The following ZNF628 variants were observed in gnomAD, a reference collection of about 807,000 sequenced individuals.
ZNF628 encodes zinc finger protein 628.
In ZNF628, 3 loss-of-function variants were observed where a neutral mutation model predicts 2.5. The observed-to-expected ratio is 1.19, with a 90% CI of 0.54 to 3.07. The LOEUF (loss-of-function observed/expected upper bound fraction) is 3.07. Ranked by LOEUF, ZNF628 falls within the 30% of genes most tolerant of loss-of-function variation. The pLI is 0.03. For missense variants in ZNF628, 1,610 were observed against 1,517.1 expected, an observed-to-expected ratio of 1.06 and a Z score of -1.02; for synonymous variants, 861 against 717.1, an observed-to-expected ratio of 1.20 and a Z score of -3.21.
Position 55,481,905 on chromosome 19 carries a change from G to T in ZNF628, c.712G>T (p.Ala238Ser). The part of the protein sequence containing the change: ...AAPAPGTASA[A>S]PPPQSREPGK... ...CCCCGCCCCGGGTACCGCCTCCGCG[G>T]CCCCGCCCCCCCAGTCCCGGGAGCC... Residue 238 changes from alanine (A) to serine (S), a missense_variant, in exon 3 of 3, where the codon GCC becomes TCC. By Grantham distance (99) the Ala-to-Ser change is moderately conservative. Around this residue, in one of 5 missense-constraint regions of ZNF628, gnomAD observed 651 missense variants for 575.6 expected, o/e 1.13. Transcript: ENST00000598519. 1 of 1,484,562 alleles carries T rather than the reference G, an allele frequency of 6.7e-7. No individual in the cohort carries two copies. Among genetic ancestry groups the T allele is most frequent in the Non-Finnish European group, 8.9e-7 (1 of 1,121,724 alleles). The allele number at this position is 1,484,562 out of a possible 1,614,324, so 92.0% of individuals were successfully genotyped here. A position where few individuals can be genotyped will look rare whatever the true frequency, so the allele number is the denominator to read the frequency against.
intron 1 of ZNF628, among the ~76,000 whole-genome samples, chr19:55,478,628 T>C (rs1290216485): frequency 1.3e-5 from 2 of 152,156 alleles, no homozygotes; most frequent in African/African-American, 2.4e-5. Context: ...AGTTGCTGTA[T>C]TGGGAACAGA....
Position 55,483,768 on chromosome 19 carries a change from G to A in ZNF628, c.2575G>A (p.Ala859Thr). The A allele has an allele frequency of 6.2e-7, 1 of 1,613,556 alleles. No homozygotes were observed. Among genetic ancestry groups the A allele is most frequent in the Non-Finnish European group, 8.5e-7 (1 of 1,179,656 alleles). Residue 859 changes from alanine (A) to threonine (T), a missense_variant, in exon 3 of 3, where the codon GCA becomes ACA. Around this residue, in one of 5 missense-constraint regions of ZNF628, gnomAD observed 712 missense variants for 603.6 expected, o/e 1.18. Coordinates refer to ENST00000598519, the MANE Select transcript of ZNF628 (RefSeq NM_033113.3). ...QEVTTVQLQP[A>T]QEVTTVQLQP... ...AGTAACCACGGTCCAGCTCCAGCCAGCACAGGAGGTGACCACGGTCCAGCT... is the reference window on the plus strand; with the variant it reads ...AGTAACCACGGTCCAGCTCCAGCCAACACAGGAGGTGACCACGGTCCAGCT...
rs750269675 is a variant in ZNF628 at position 55,481,511 on chromosome 19, G to A, written c.318G>A (p.Leu106=). The change falls in exon 3 of 3, where the codon CTG becomes CTA. Residue 106 remains leucine (L), a synonymous_variant. Coordinates refer to ENST00000598519, the MANE Select transcript of ZNF628 (RefSeq NM_033113.3). ...DCPKAFKRSS[L]LQIHRSVHTG... is the part of the protein sequence containing the mutation. ...CCAAGGCCTTCAAGCGCTCCTCTCT[G>A]CTGCAGATCCACCGTAGCGTGCACA... 5 of 1,607,742 alleles carry A rather than the reference G, an allele frequency of 3.1e-6. No individual in the cohort carries two copies. The highest frequency in any genetic ancestry group is 4.2e-6 in the Non-Finnish European group (5 of 1,178,348).
rs779265539 is a variant in ZNF628 at position 55,482,987 on chromosome 19, C to G, written c.1794C>G (p.Leu598=). The G allele has an allele frequency of 1.9e-6, 3 of 1,611,832 alleles. No individual in the cohort carries two copies. Among genetic ancestry groups the G allele is most frequent in the South Asian group, 1.1e-5 (1 of 91,036 alleles). ...HTGERPFRCP[L]CPKTFTHSSN... Reference sequence around the variant, plus strand: ...GCGAGCGGCCCTTCCGCTGCCCGCTCTGCCCCAAGACCTTCACCCACTCCT... The same window carrying G: ...GCGAGCGGCCCTTCCGCTGCCCGCTGTGCCCCAAGACCTTCACCCACTCCT... Residue 598 remains leucine, a synonymous_variant, in exon 3 of 3, where the codon CTC becomes CTG. Coordinates refer to ENST00000598519, the MANE Select transcript of ZNF628 (RefSeq NM_033113.3).
rs568557249 is a variant in ZNF628, at chr19:55,477,941, A to G, written c.-78+1134A>G. Among the ~76,000 whole-genome samples the G allele has an allele frequency of 3.3e-5, 5 of 152,336 alleles. No individual in the cohort carries two copies. The East Asian group carries it at 9.6e-4, about 29-fold the overall frequency. Reference sequence around the variant, plus strand: ...CCTATTTTCCCGGCGTTGACATTCTAGCATGGGGAGGCAGAATAAAACAGA... The same window carrying G: ...CCTATTTTCCCGGCGTTGACATTCTGGCATGGGGAGGCAGAATAAAACAGA... On this transcript the variant is annotated intron_variant, in intron 1 of 2. Coordinates refer to ENST00000598519, the MANE Select transcript of ZNF628 (RefSeq NM_033113.3).
Position 55,483,277 on chromosome 19 carries a change from G to T in ZNF628, c.2084G>T (p.Gly695Val). The change falls in exon 3 of 3, where the codon GGC (glycine) becomes GTC (valine). Residue 695 changes from glycine (G) to valine (V), a missense_variant. By Grantham distance (109) the Gly-to-Val change is moderately radical. Transcript: ENST00000598519. ...QATLSLEVAG[G>V]TAQAPSLGPA... ...ACGCTCTCCCTCGAGGTGGCGGGGG[G>T]CACGGCCCAGGCCCCGAGCTTGGGG... is the stretch of plus-strand genomic sequence containing the variant. The T allele has an allele frequency of 6.6e-7, 1 of 1,517,916 alleles. No homozygotes were observed. Among genetic ancestry groups the T allele is most frequent in the Non-Finnish European group, 8.8e-7 (1 of 1,137,186 alleles). 94.0% of individuals were successfully genotyped at this position (1,517,916 alleles called of 1,614,324 possible).
intron 1 of ZNF628, among the ~76,000 whole-genome samples, chr19:55,478,813 A>C (rs1230379302): frequency 6.6e-6 from 1 of 152,124 alleles, no homozygotes; most frequent in Non-Finnish European, 1.5e-5. Context: ...GAGAGAGAGG[A>C]GGCGAGGAGC....
chr19:55,482,966 G>A lies in ZNF628; in HGVS notation c.1773G>A (p.Glu591=), dbSNP rs761377966. The change falls in exon 3 of 3, where the codon GAG becomes GAA. Residue 591 remains glutamate (E), a synonymous_variant. Coordinates refer to ENST00000598519, the MANE Select transcript of ZNF628 (RefSeq NM_033113.3). ...LRQHQRVHTG[E]RPFRCPLCPK... ...AGCACCAGCGCGTGCACACGGGCGA[G>A]CGGCCCTTCCGCTGCCCGCTCTGCC... 3.1e-6 allele frequency: 5 copies of A among 1,610,820 alleles called. No homozygotes were observed. Among genetic ancestry groups the A allele is most frequent in the East Asian group, 2.2e-5 (1 of 44,852 alleles).
In ZNF628 at chr19:55,482,273, C is replaced by T. The variant is rs767790675; in HGVS notation, c.1080C>T (p.Pro360=). The change falls in exon 3 of 3, where the codon CCC becomes CCT. Residue 360 remains proline (P), a synonymous_variant. Coordinates refer to ENST00000598519, the MANE Select transcript of ZNF628 (RefSeq NM_033113.3). Reference sequence around the variant, plus strand: ...CCGCGCCTGGCTTTGCCTGTCTGCCCTGCGGCAAGTCCTTCCGGACGGTGG... The same window carrying T: ...CCGCGCCTGGCTTTGCCTGTCTGCCTTGCGGCAAGTCCTTCCGGACGGTGG... The part of the protein sequence containing the change: ...AAPAPGFACL[P]CGKSFRTVAG... 7 of 1,471,844 alleles carry T rather than the reference C, an allele frequency of 4.8e-6. No homozygotes were observed. The East Asian group carries it at 8.9e-5, about 19-fold the overall frequency. 91.2% of individuals were successfully genotyped at this position (1,471,844 alleles called of 1,614,324 possible).
chr19:55,483,102 C>T lies in ZNF628; in HGVS notation c.1909C>T (p.Leu637=), dbSNP rs1316812241. 3.7e-6 allele frequency: 6 copies of T among 1,604,644 alleles called. No homozygotes were observed. Among genetic ancestry groups the T allele is most frequent in the South Asian group, 1.1e-5 (1 of 90,860 alleles). Residue 637 remains leucine, a synonymous_variant, in exon 3 of 3, where the codon CTG becomes TTG. Transcript: ENST00000598519. ...CGRGFVMAAY[L]QRHLRTHAPA... ...TCGCGGCTTCGTTATGGCCGCCTAT[C>T]TGCAGCGGCACCTGAGGACGCACGC...
chr19:55,482,799 C>T lies in ZNF628; in HGVS notation c.1606C>T (p.Arg536Trp). The change falls in exon 3 of 3, where the codon CGG (arginine) becomes TGG (tryptophan). Residue 536 changes from arginine (R) to tryptophan (W), a missense_variant. This residue lies in a region of ZNF628 where 651 missense variants were observed against 575.6 expected (regional missense o/e 1.13). Coordinates refer to ENST00000598519, the MANE Select transcript of ZNF628 (RefSeq NM_033113.3). ...QYHLRLHSGE[R>W]PYACGECGKA... ...CCACCTGCGGCTGCACTCTGGCGAG[C>T]GGCCCTACGCCTGCGGGGAGTGTGG... is the stretch of plus-strand genomic sequence containing the variant. The T allele has an allele frequency of 6.2e-7, 1 of 1,610,084 alleles. No individual in the cohort carries two copies.
At chr19:55,476,879 G>A (rs1171409783) in intron 1 of ZNF628, 72 bp downstream of exon 1, 3 of 143,950 alleles carry the variant, frequency 2.1e-5, no homozygotes, top group Admixed American at 2.1e-4. Flanking sequence ...GTGGGGCGGG[G>A]GGGGGGGCGT....
chr19:55,484,291 C>T lies in ZNF628; in HGVS notation c.3098C>T (p.Pro1033Leu), dbSNP rs1986848902. Residue 1033 changes from proline (P) to leucine (L), a missense_variant, in exon 3 of 3, where the codon CCT (proline) becomes CTT (leucine). This residue lies in a region of ZNF628 where 712 missense variants were observed against 603.6 expected (regional missense o/e 1.18). Transcript: ENST00000598519. The part of the protein sequence containing the change: ...MVQVVPAGAG[P>L]GVMTPQGLPS... ...CAAGTGGTCCCCGCAGGAGCTGGGC[C>T]TGGTGTTATGACCCCTCAGGGCCTG... 6.5e-7 allele frequency: 1 copy of T among 1,535,418 alleles called. No homozygotes were observed. The highest frequency in any genetic ancestry group is 2.1e-5 in the Admixed American group (1 of 48,192).
In ZNF628 at chr19:55,483,531, G is replaced by C; in HGVS notation, c.2338G>C (p.Gly780Arg). Reference protein sequence around the residue: ...GAGVVWLPGPGGLGVQGAASA... With the variant: ...GAGVVWLPGPRGLGVQGAASA... ...GGGAGTGGTCTGGCTGCCAGGCCCT[G>C]GGGGTCTAGGGGTGCAGGGAGCGGC... is the stretch of plus-strand genomic sequence containing the variant. The change falls in exon 3 of 3, where the codon GGG becomes CGG. Residue 780 changes from glycine (G) to arginine (R), a missense_variant. Coordinates refer to ENST00000598519, the MANE Select transcript of ZNF628 (RefSeq NM_033113.3). 1 of 1,571,198 alleles carries C rather than the reference G, an allele frequency of 6.4e-7. No individual in the cohort carries two copies. Among genetic ancestry groups the C allele is most frequent in the Non-Finnish European group, 8.6e-7 (1 of 1,156,884 alleles).
In ZNF628 at chr19:55,483,898, C is replaced by A. The variant is rs749006014; in HGVS notation, c.2705C>A (p.Thr902Asn). 2 of 1,596,532 alleles carry A rather than the reference C, an allele frequency of 1.3e-6. No homozygotes were observed. The highest frequency in any genetic ancestry group is 1.1e-5 in the South Asian group (1 of 88,870). The change falls in exon 3 of 3, where the codon ACT (threonine) becomes AAT (asparagine). Residue 902 changes from threonine to asparagine, a missense_variant. Coordinates refer to ENST00000598519, the MANE Select transcript of ZNF628 (RefSeq NM_033113.3). ...AGCGGGGCAGCTGAGGAGTTGCTCA[C>A]TGGCCCGGGCCCCGGGGAGGCGGGG... is the stretch of plus-strand genomic sequence containing the variant. ...VQSGAAEELL[T>N]GPGPGEAGDG... is the part of the protein sequence containing the mutation.
Position 55,483,362 on chromosome 19 carries a change from G to A in ZNF628, c.2169G>A (p.Leu723=). The A allele has an allele frequency of 6.5e-7, 1 of 1,541,916 alleles. No homozygotes were observed. The highest frequency in any genetic ancestry group is 8.7e-7 in the Non-Finnish European group (1 of 1,145,742). The change falls in exon 3 of 3, where the codon CTG becomes CTA. Residue 723 remains leucine (L), a synonymous_variant. Coordinates refer to ENST00000598519, the MANE Select transcript of ZNF628 (RefSeq NM_033113.3). ...TGCAAACTGCCCAGGGCCTCCAGCT[G>A]ATCCCCAGCAGCGTGCAGCCCCCTA... The part of the protein sequence containing the change: ...LLVQTAQGLQ[L]IPSSVQPPTP...
At chr19:55,477,413 TGCAGTG>T in intron 1 of ZNF628, among the ~76,000 whole-genome samples, 1 of 149,672 alleles carries the variant, frequency 6.7e-6, no homozygotes, top group East Asian at 2.0e-4. Flanking sequence ...CAGGCTGGAG[TGCAGTG>T]GCGCGATCTA....
Position 55,482,480 on chromosome 19 carries a change from C to T in ZNF628, c.1287C>T (p.Pro429=). The change falls in exon 3 of 3, where the codon CCC becomes CCT. Residue 429 remains proline, a synonymous_variant. Transcript: ENST00000598519. The part of the protein sequence containing the change: ...PQAEAAEVTC[P]QEPLAPAAPV... ...CTGAGGCTGCGGAGGTGACCTGCCC[C>T]CAGGAACCGCTGGCGCCTGCCGCCC... 6.9e-7 allele frequency: 1 copy of T among 1,439,346 alleles called. No homozygotes were observed. The highest frequency in any genetic ancestry group is 9.1e-7 in the Non-Finnish European group (1 of 1,102,028). The allele number at this position is 1,439,346 out of a possible 1,614,324, so 89.2% of individuals were successfully genotyped here.
chr19:55,482,294 G>A lies in ZNF628; in HGVS notation c.1101G>A (p.Thr367=). ...ACLPCGKSFR[T]VAGLSRHQHS... ...TGCCCTGCGGCAAGTCCTTCCGGAC[G>A]GTGGCTGGGCTCTCCCGCCACCAGC... Residue 367 remains threonine (T), a synonymous_variant, in exon 3 of 3, where the codon ACG becomes ACA. Coordinates refer to ENST00000598519, the MANE Select transcript of ZNF628 (RefSeq NM_033113.3). 1 of 1,471,296 alleles carries A rather than the reference G, an allele frequency of 6.8e-7. No individual in the cohort carries two copies. The allele number at this position is 1,471,296 out of a possible 1,614,324, so 91.1% of individuals were successfully genotyped here.
Sources: gnomAD v4.1 joint callset for allele counts (sites outside exome capture counted in the v4.1 genomes callset) on GRCh38, gnomAD v4.1.1 for gene constraint, gnomAD v4.1.1 regional missense constraint, MANE v1.5 for transcripts, NCBI Gene and HGNC (gene_info 2026-07-23, HGNC 2026-07-21) for gene names.